The following CBFA2T2 variants were observed in gnomAD, a reference collection of about 807,000 sequenced individuals.
The protein encoded by CBFA2T2 is protein CBFA2T2.
Under a neutral mutation model 62.2 loss-of-function variants are expected in CBFA2T2, and 11 were observed. That is an observed-to-expected ratio of 0.18 (90% CI 0.11 to 0.29). The LOEUF (loss-of-function observed/expected upper bound fraction) is 0.29. Among genes scored for constraint, CBFA2T2 ranks in the 10% least tolerant of loss-of-function variants. CBFA2T2 has a pLI of 1.00. For missense variants in CBFA2T2, 592 were observed against 774.1 expected (o/e 0.76, Z 2.79); for synonymous variants, 295 against 287.5 (o/e 1.03, Z -0.27).
intron 1 of CBFA2T2, among the ~76,000 whole-genome samples, chr20:33,545,005 T>TAGAAC (rs1321591872): frequency 2.3e-5 from 3 of 128,910 alleles, no homozygotes; most frequent in African/African-American, 5.7e-5. Context: ...TAGAATAGAA[T>TAGAAC]AGAATAGAAC....
intron 1 of CBFA2T2, among the ~76,000 whole-genome samples, chr20:33,527,570 G>C (rs780670150): frequency 6.6e-6 from 1 of 151,764 alleles, no homozygotes; most frequent in African/African-American, 2.4e-5. Flanking sequence ...ACAGGGTTTC[G>C]CCATGTTGGC....
intron 1 of CBFA2T2, among the ~76,000 whole-genome samples, chr20:33,601,307 C>T (rs750937999): frequency 5.3e-5 from 8 of 152,126 alleles, no homozygotes; most frequent in Non-Finnish European, 1.0e-4. Flanking sequence ...CTCTGTCGCC[C>T]AGACTGGAGT....
chr20:33,538,302 A>G (rs1402757127), intron 1 of CBFA2T2, among the ~76,000 whole-genome samples: 1 of 152,038 alleles, frequency 6.6e-6, no homozygotes, highest in African/African-American at 2.4e-5. Flanking sequence ...TTGATCTTGT[A>G]TCCTGCAACT....
chr20:33,553,930 T>C (rs558196598), intron 1 of CBFA2T2, among the ~76,000 whole-genome samples: 19 of 152,200 alleles, frequency 1.2e-4, no homozygotes, highest in Non-Finnish European at 2.2e-4. Flanking sequence ...TTTCTCCAGT[T>C]TACTAGTAGG....
At chr20:33,513,801 A>G (rs1341385523) in intron 1 of CBFA2T2, among the ~76,000 whole-genome samples, 1 of 139,856 alleles carries the variant, frequency 7.2e-6, no homozygotes, top group Non-Finnish European at 1.6e-5. Context: ...GTGACAGAGT[A>G]AGACTCTGTC....
intron 1 of CBFA2T2, among the ~76,000 whole-genome samples, chr20:33,581,954 G>A (rs1204272360): frequency 6.6e-6 from 1 of 152,202 alleles, no homozygotes; most frequent in Middle Eastern, 3.2e-3. Flanking sequence ...CTGATTTTCA[G>A]TGGTGGGCAT....
chr20:33,624,905 C>T lies in CBFA2T2; in HGVS notation c.834C>T (p.Thr278=). The change falls in exon 6 of 11, where the codon ACC becomes ACT. Residue 278 remains threonine (T), a synonymous_variant. Transcript: ENST00000342704. ...ATCCCGGGGGCCAATTCCATCCTAC[C>T]CCTCCACCTCTTCAGCATTACACCT... ...LMNPGGQFHP[T]PPPLQHYTLE... 1.2e-6 allele frequency: 2 copies of T among 1,614,102 alleles called. No homozygotes were observed. The highest frequency in any genetic ancestry group is 2.2e-5 in the South Asian group (2 of 91,082).
In CBFA2T2 at chr20:33,553,312, C is replaced by T. The variant is rs182719179; in HGVS notation, c.35-53644C>T. Among the ~76,000 whole-genome samples the T allele has an allele frequency of 2.0e-3, 309 of 152,308 alleles. 2 individuals are homozygous for T. The highest frequency in any genetic ancestry group is 2.5e-3 in the Non-Finnish European group (168 of 68,024). On this transcript the variant is annotated intron_variant, in intron 1 of 10. Coordinates refer to ENST00000342704, the MANE Select transcript of CBFA2T2 (RefSeq NM_001032999.3). Reference sequence around the variant, plus strand: ...CACAGTCTTGGCTCACTGCAGCCTCCACCTCCCGGGTTCAAGCAGTTCTCC... The same window carrying T: ...CACAGTCTTGGCTCACTGCAGCCTCTACCTCCCGGGTTCAAGCAGTTCTCC...
At position 33,623,878 on chromosome 20, in the gene CBFA2T2, T is replaced by C. The variant is rs1160382563; in HGVS notation, c.692+582T>C. On this transcript the variant is annotated intron_variant, in intron 5 of 10. Coordinates refer to ENST00000342704, the MANE Select transcript of CBFA2T2 (RefSeq NM_001032999.3). ...CGGTAAGAAACTCTACTCTAGAGAA[T>C]TTATGGGTCGACTGTTCCAGAAGCC... 4.2e-6 allele frequency: 3 copies of C among 716,980 alleles called. No homozygotes were observed. The South Asian group carries it at 4.4e-5, about 11-fold the overall frequency. The allele number at this position is 716,980 out of a possible 1,614,324, so 44.4% of individuals were successfully genotyped here.
intron 10 of CBFA2T2, among the ~76,000 whole-genome samples, chr20:33,642,896 T>TTAAGG (rs200209718): frequency 6.6e-6 from 1 of 152,160 alleles, no homozygotes; most frequent in East Asian, 1.9e-4. Context: ...CATTGTGCTT[T>TTAAGG]TAAGGAATTG....
intron 8 of CBFA2T2, among the ~76,000 whole-genome samples, chr20:33,635,043 G>A (rs564453986): frequency 2.6e-5 from 4 of 152,138 alleles, no homozygotes; most frequent in Non-Finnish European, 5.9e-5. Context: ...AGCAGAACAA[G>A]TAGAGAGGAT....
chr20:33,616,142 C>A (rs1488042738), intron 3 of CBFA2T2, among the ~76,000 whole-genome samples: 2 of 148,446 alleles, frequency 1.3e-5, no homozygotes, highest in Non-Finnish European at 3.0e-5. Context: ...GATGACAGAG[C>A]AATACTCTGT....
chr20:33,492,811 T>C (rs2011157936), intron 1 of CBFA2T2, among the ~76,000 whole-genome samples: 1 of 152,120 alleles, frequency 6.6e-6, no homozygotes, highest in South Asian at 2.1e-4. Context: ...TTGCCTGGCC[T>C]TTTTTAGTGT....
At chr20:33,508,436 T>C (rs865803239) in intron 1 of CBFA2T2, among the ~76,000 whole-genome samples, 1 of 152,090 alleles carries the variant, frequency 6.6e-6, no homozygotes, top group Non-Finnish European at 1.5e-5. Context: ...TTGTTTGTTT[T>C]TTTAGCTTTT....
At chr20:33,627,357 G>A (rs781477314) in intron 6 of CBFA2T2, among the ~76,000 whole-genome samples, 3 of 151,908 alleles carry the variant, frequency 2.0e-5, no homozygotes, top group South Asian at 2.1e-4. Context: ...AGATCACACC[G>A]CTGCACTCCA....
chr20:33,575,671 G>C (rs191492674), intron 1 of CBFA2T2, among the ~76,000 whole-genome samples: 55 of 152,138 alleles, frequency 3.6e-4, no homozygotes, highest in African/African-American at 1.3e-3. Context: ...TGTTATACTA[G>C]GAACTATGGT....
chr20:33,602,494 G>C (rs886609396), intron 1 of CBFA2T2, among the ~76,000 whole-genome samples: 3 of 150,448 alleles, frequency 2.0e-5, no homozygotes, highest in African/African-American at 7.3e-5. Flanking sequence ...GCCCTTGATT[G>C]TGGGCAGTTT....
chr20:33,525,587 C>T (rs570319602), intron 1 of CBFA2T2, among the ~76,000 whole-genome samples: 98 of 152,230 alleles, frequency 6.4e-4, no homozygotes, highest in Non-Finnish European at 1.2e-3. Flanking sequence ...TATATCACTC[C>T]GAAAAGAAAC....
chr20:33,615,680 A>G (rs1601070297), intron 3 of CBFA2T2, among the ~76,000 whole-genome samples: 1 of 151,976 alleles, frequency 6.6e-6, no homozygotes, highest in Admixed American at 6.6e-5. Context: ...AGTCCCACCT[A>G]TGTAGTCCCA....
Sources: gnomAD v4.1 joint callset for allele counts (sites outside exome capture counted in the v4.1 genomes callset) on GRCh38, gnomAD v4.1.1 for gene constraint, MANE v1.5 for transcripts, NCBI Gene and HGNC (gene_info 2026-07-23, HGNC 2026-07-21) for gene names.